Variants in H3-3B observed in about 807,000 individuals in gnomAD.
H3-3B encodes H3.3 histone B, also known as histone H3.3.
A neutral mutation model predicts 13.1 loss-of-function variants in H3-3B; 2 were observed. The observed-to-expected ratio is 0.15, with a 90% CI of 0.06 to 0.48. The LOEUF is 0.48. Ranked by LOEUF, H3-3B falls within the 20% of genes least tolerant of loss-of-function variation. H3-3B has a pLI of 0.97. For missense variants in H3-3B, 39 were observed against 186.0 expected (o/e 0.21, Z 4.60); for synonymous variants, 133 against 75.8 (o/e 1.76, Z -3.92).
chr17:75,777,233 T>C lies in H3-3B; in HGVS notation c.*1362A>G, dbSNP rs2061642655. 1 of 152,206 alleles carries C rather than the reference T, an allele frequency of 6.6e-6. No homozygotes were observed. 9.4% of individuals were successfully genotyped at this position (152,206 alleles called of 1,614,324 possible). On this transcript the variant is annotated 3_prime_UTR_variant, in exon 4 of 4. Coordinates refer to ENST00000254810, the MANE Select transcript of H3-3B (RefSeq NM_005324.5). The stretch of plus-strand genomic sequence containing the variant: ...GGAGTGGGGGGGCTGAAAAGCTTAT[T>C]AATATACTTTGTCTTAGCCCACACT...
At position 75,778,700 on chromosome 17, in the gene H3-3B, C is replaced by G. The variant is rs1599343386; in HGVS notation, c.306G>C (p.Val102=). The stretch of plus-strand genomic sequence containing the variant: ...ACAGGTTGGTATCTTCGAACAGACC[C>G]ACCAGGTACGCTTCGCTAGCCTCCT... ...ALQEASEAYL[V]GLFEDTNLCA... Residue 102 remains valine (V), a synonymous_variant, in exon 4 of 4, where the codon GTG becomes GTC. Transcript: ENST00000254810. 1.9e-6 allele frequency: 3 copies of G among 1,614,082 alleles called. No individual in the cohort carries two copies. Among genetic ancestry groups the G allele is most frequent in the Admixed American group, 1.7e-5 (1 of 60,008 alleles).
chr17:75,779,738 A>T lies in H3-3B; in HGVS notation c.-92T>A, dbSNP rs776380471. On this transcript the variant is annotated 5_prime_UTR_variant, in exon 1 of 4. Coordinates refer to ENST00000254810, the MANE Select transcript of H3-3B (RefSeq NM_005324.5). ...GGAAGAGCCGCAGTCGACGAGCGAA[A>T]AACCAGCACCGCCCAACGAACGACC... 5.2e-5 allele frequency: 8 copies of T among 154,426 alleles called. No individual in the cohort carries two copies. The highest frequency in any genetic ancestry group is 3.3e-4 in the Admixed American group (5 of 15,290). The allele number at this position is 154,426 out of a possible 1,614,324, so 9.6% of individuals were successfully genotyped here.
intron 3 of H3-3B, 39 bp from the exon 4 acceptor site, chr17:75,778,762 G>A (rs372492941): frequency 1.2e-6 from 2 of 1,613,988 alleles, no homozygotes; most frequent in African/African-American, 2.7e-5. Context: ...TCCCACTCGG[G>A]GAGCGGAAAC....
Position 75,776,902 on chromosome 17 carries a change from G to A in H3-3B, c.*1693C>T, listed in dbSNP as rs1198646723. On this transcript the variant is annotated 3_prime_UTR_variant, in exon 4 of 4. Transcript: ENST00000254810. ...CTGATTATGAACTTTCTAGAAAAGCGGGTCATTATATTGCATCCTTTCATA... is the reference window on the plus strand; with the variant it reads ...CTGATTATGAACTTTCTAGAAAAGCAGGTCATTATATTGCATCCTTTCATA... 1 of 152,156 alleles carries A rather than the reference G, an allele frequency of 6.6e-6. No homozygotes were observed. Among genetic ancestry groups the A allele is most frequent in the Non-Finnish European group, 1.5e-5 (1 of 68,036 alleles). 9.4% of individuals were successfully genotyped at this position (152,156 alleles called of 1,614,324 possible). A position where few individuals can be genotyped will look rare whatever the true frequency, so the allele number is the denominator to read the frequency against.
chr17:75,779,197 C>G lies in H3-3B; in HGVS notation c.-10-13G>C. On this transcript the variant is annotated splice_polypyrimidine_tract_variant and intron_variant, in intron 1 of 3. Coordinates refer to ENST00000254810, the MANE Select transcript of H3-3B (RefSeq NM_005324.5). ...CATTTTCTTTCACCTAAGAAAGACGCCCCGAAGATAAGGCCGCCGCGCTCA... is the reference window on the plus strand; with the variant it reads ...CATTTTCTTTCACCTAAGAAAGACGGCCCGAAGATAAGGCCGCCGCGCTCA... The G allele has an allele frequency of 6.8e-7, 1 of 1,477,114 alleles. No individual in the cohort carries two copies. The highest frequency in any genetic ancestry group is 9.0e-7 in the Non-Finnish European group (1 of 1,114,192). 91.5% of individuals were successfully genotyped at this position (1,477,114 alleles called of 1,614,324 possible). A position where few individuals can be genotyped will look rare whatever the true frequency, so the allele number is the denominator to read the frequency against.
chr17:75,779,211 C>T, intron 1 of H3-3B, 27 bp from the exon 2 acceptor site: 2 of 1,460,624 alleles, frequency 1.4e-6, no homozygotes, highest in Non-Finnish European at 1.8e-6. Flanking sequence ...GAAGATAAGG[C>T]CGCCGCGCTC....
Position 75,778,741 on chromosome 17 carries a change from C to T in H3-3B, c.283-18G>A, listed in dbSNP as rs754295936. ...CTAGCCTCCTGTTGAGGACGAGAGC[C>T]GCACTATTAATCCCACTCGGGGAGC... On this transcript the variant is annotated intron_variant, in intron 3 of 3. Coordinates refer to ENST00000254810, the MANE Select transcript of H3-3B (RefSeq NM_005324.5). 3.7e-6 allele frequency: 6 copies of T among 1,614,046 alleles called. No homozygotes were observed. In the Admixed American group the frequency reaches 8.3e-5, roughly 22 times the overall value.
Position 75,778,521 on chromosome 17 carries a change from T to A in H3-3B, c.*74A>T. 7 of 1,544,314 alleles carry A rather than the reference T, an allele frequency of 4.5e-6. No individual in the cohort carries two copies. Among genetic ancestry groups the A allele is most frequent in the Non-Finnish European group, 6.1e-6 (7 of 1,142,276 alleles). ...ATGCAACATATTATAAACAATTTCT[T>A]ACAAAAAAAGTCACAAATTAAACCA... On this transcript the variant is annotated 3_prime_UTR_variant, in exon 4 of 4. Transcript: ENST00000254810.
At position 75,777,539 on chromosome 17, in the gene H3-3B, G is replaced by A. The variant is rs1338555302; in HGVS notation, c.*1056C>T. The stretch of plus-strand genomic sequence containing the variant: ...CTTCAGTAAATTTTAAAACCACTTG[G>A]AAGGCCATCTCTATAAAAATGATTT... On this transcript the variant is annotated 3_prime_UTR_variant, in exon 4 of 4. Coordinates refer to ENST00000254810, the MANE Select transcript of H3-3B (RefSeq NM_005324.5). The A allele has an allele frequency of 3.3e-5, 5 of 152,578 alleles. No individual in the cohort carries two copies. Among genetic ancestry groups the A allele is most frequent in the African/African-American group, 9.7e-5 (4 of 41,448 alleles). The allele number at this position is 152,578 out of a possible 1,614,324, so 9.5% of individuals were successfully genotyped here. A position where few individuals can be genotyped will look rare whatever the true frequency, so the allele number is the denominator to read the frequency against.
Position 75,779,002 on chromosome 17 carries a change from A to C in H3-3B, c.129-39T>G. The C allele has an allele frequency of 1.9e-6, 3 of 1,612,866 alleles. 1 individual carries two copies. The highest frequency in any genetic ancestry group is 1.7e-5 in the Admixed American group (1 of 59,968). The stretch of plus-strand genomic sequence containing the variant: ...GGGAGGAGTGAGCGGACGCTGCCGC[A>C]CAAAGCCGGCCACCGCCGGGCCATT... On this transcript the variant is annotated intron_variant, in intron 2 of 3. Coordinates refer to ENST00000254810, the MANE Select transcript of H3-3B (RefSeq NM_005324.5).
In H3-3B at chr17:75,779,038, C is replaced by G; in HGVS notation, c.128+9G>C. On this transcript the variant is annotated intron_variant, in intron 2 of 3. Coordinates refer to ENST00000254810, the MANE Select transcript of H3-3B (RefSeq NM_005324.5). ...CACCGCCGGGCCATTGTTCCCCCGC[C>G]CGACCTACCTGTAGCGATGAGGCTT... The G allele has an allele frequency of 6.2e-7, 1 of 1,610,852 alleles. No individual in the cohort carries two copies. The highest frequency in any genetic ancestry group is 1.3e-5 in the African/African-American group (1 of 74,942).
Position 75,776,859 on chromosome 17 carries a change from AGT to A in H3-3B, c.*1734_*1735del, listed in dbSNP as rs1381009558. ...CATTCTGAAGCACAGTGAGGAATCA[AGT>A]GTGCTTGTTCCAGAGCTGATTATGA... is the stretch of plus-strand genomic sequence containing the variant. On this transcript the variant is annotated 3_prime_UTR_variant, in exon 4 of 4. Coordinates refer to ENST00000254810, the MANE Select transcript of H3-3B (RefSeq NM_005324.5). 1 of 152,204 alleles carries A rather than the reference AGT, an allele frequency of 6.6e-6. No homozygotes were observed. The highest frequency in any genetic ancestry group is 1.5e-5 in the Non-Finnish European group (1 of 68,032). 9.4% of individuals were successfully genotyped at this position (152,204 alleles called of 1,614,324 possible). A position where few individuals can be genotyped will look rare whatever the true frequency, so the allele number is the denominator to read the frequency against.
rs1432511812 is a variant in H3-3B, at chr17:75,778,067, T to C, written c.*528A>G. The C allele has an allele frequency of 6.6e-6, 1 of 152,620 alleles. No individual in the cohort carries two copies. The highest frequency in any genetic ancestry group is 2.4e-5 in the African/African-American group (1 of 41,380). The allele number at this position is 152,620 out of a possible 1,614,324, so 9.5% of individuals were successfully genotyped here. On this transcript the variant is annotated 3_prime_UTR_variant, in exon 4 of 4. Coordinates refer to ENST00000254810, the MANE Select transcript of H3-3B (RefSeq NM_005324.5). ...TTAAAAATGTTGATACTACAATATA[T>C]AAAATAGCTATTATAAATGCACATA...
rs949853914 is a variant in H3-3B, at chr17:75,779,373, G to A, written c.-10-189C>T. 100 of 499,750 alleles carry A rather than the reference G, an allele frequency of 2.0e-4. 1 individual carries two copies. The highest frequency in any genetic ancestry group is 8.1e-5 in the Non-Finnish European group (26 of 321,662). 31.0% of individuals were successfully genotyped at this position (499,750 alleles called of 1,614,324 possible). A position where few individuals can be genotyped will look rare whatever the true frequency, so the allele number is the denominator to read the frequency against. ...CCTAATGACTCAGGCTGCGAGGAGC[G>A]GCAGCCTCCCCCGGGAGGGGGAGCG... On this transcript the variant is annotated intron_variant, in intron 1 of 3. Transcript: ENST00000254810.
rs1857304102 is a variant in H3-3B at position 75,779,662 on chromosome 17, G to C, written c.-16C>G. ...GTAAACCTACGAACGCCTACCCAAC[G>C]CCGAAGTTTTAGGCCACTTCTCCGA... On this transcript the variant is annotated 5_prime_UTR_variant, in exon 1 of 4. Coordinates refer to ENST00000254810, the MANE Select transcript of H3-3B (RefSeq NM_005324.5). 6.4e-6 allele frequency: 1 copy of C among 157,216 alleles called. No individual in the cohort carries two copies. Among genetic ancestry groups the C allele is most frequent in the African/African-American group, 2.4e-5 (1 of 41,444 alleles). The allele number at this position is 157,216 out of a possible 1,614,324, so 9.7% of individuals were successfully genotyped here.
In H3-3B at chr17:75,778,453, T is replaced by A; in HGVS notation, c.*142A>T. ...CACTGAGGTCTGTGAACAGTCACTT[T>A]TCGCATTCATCCTGAGTGAAAGATG... On this transcript the variant is annotated 3_prime_UTR_variant, in exon 4 of 4. Transcript: ENST00000254810. The A allele has an allele frequency of 8.3e-7, 1 of 1,201,520 alleles. No individual in the cohort carries two copies. Among genetic ancestry groups the A allele is most frequent in the Middle Eastern group, 2.7e-4 (1 of 3,758 alleles). 74.4% of individuals were successfully genotyped at this position (1,201,520 alleles called of 1,614,324 possible).
In H3-3B at chr17:75,778,112, G is replaced by A. The variant is rs1384750320; in HGVS notation, c.*483C>T. On this transcript the variant is annotated 3_prime_UTR_variant, in exon 4 of 4. Transcript: ENST00000254810. ...CACATAGTGTATTCTATAGCTGCCA[G>A]GTTTACTTTTTTTTTTTTTAAAGGA... 2.0e-5 allele frequency: 3 copies of A among 151,860 alleles called. No individual in the cohort carries two copies. The highest frequency in any genetic ancestry group is 5.0e-5 in the African/African-American group (2 of 40,386). 9.4% of individuals were successfully genotyped at this position (151,860 alleles called of 1,614,324 possible). A position where few individuals can be genotyped will look rare whatever the true frequency, so the allele number is the denominator to read the frequency against.
At position 75,778,481 on chromosome 17, in the gene H3-3B, A is replaced by G; in HGVS notation, c.*114T>C. The G allele has an allele frequency of 7.1e-7, 1 of 1,405,720 alleles. No homozygotes were observed. The allele number at this position is 1,405,720 out of a possible 1,614,324, so 87.1% of individuals were successfully genotyped here. A position where few individuals can be genotyped will look rare whatever the true frequency, so the allele number is the denominator to read the frequency against. On this transcript the variant is annotated 3_prime_UTR_variant, in exon 4 of 4. Transcript: ENST00000254810. ...GCATTCATCCTGAGTGAAAGATGGAATGACTTAAGTACAAATGCAACATAT... is the reference window on the plus strand; with the variant it reads ...GCATTCATCCTGAGTGAAAGATGGAGTGACTTAAGTACAAATGCAACATAT...
In H3-3B at chr17:75,776,928, G is replaced by A. The variant is rs1181499406; in HGVS notation, c.*1667C>T. ...GGTCATTATATTGCATCCTTTCATA[G>A]GAGCTCATTATCACGACCTGAAAGA... On this transcript the variant is annotated 3_prime_UTR_variant, in exon 4 of 4. Coordinates refer to ENST00000254810, the MANE Select transcript of H3-3B (RefSeq NM_005324.5). The A allele has an allele frequency of 2.0e-5, 3 of 152,162 alleles. No homozygotes were observed. The highest frequency in any genetic ancestry group is 2.9e-5 in the Non-Finnish European group (2 of 68,036). The allele number at this position is 152,162 out of a possible 1,614,324, so 9.4% of individuals were successfully genotyped here. A position where few individuals can be genotyped will look rare whatever the true frequency, so the allele number is the denominator to read the frequency against.
Sources: gnomAD v4.1 joint callset for allele counts on GRCh38, gnomAD v4.1.1 for gene constraint, MANE v1.5 for transcripts, NCBI Gene and HGNC (gene_info 2026-07-23, HGNC 2026-07-21) for gene names.